Variants in FAM186B observed in about 807,000 individuals in gnomAD.
FAM186B encodes family with sequence similarity 186 member B.
Under a neutral mutation model 83.4 loss-of-function variants are expected in FAM186B, and 68 were observed. The ratio of observed to expected loss-of-function variants is 0.81; its 90% CI spans 0.67 to 1.00. The LOEUF (loss-of-function observed/expected upper bound fraction) is 1.00. Ranked by LOEUF, FAM186B falls within the 50% of genes least tolerant of loss-of-function variation. FAM186B has a pLI of 0.00. For synonymous variants in FAM186B, 389 were observed against 422.0 expected (o/e 0.92, Z 0.96); for missense variants, 983 against 1,099.2 (o/e 0.89, Z 1.49).
At chr12:49,584,239 C>G (rs1939393703), downstream of FAM186B, 2 of 454,840 alleles carry the variant, frequency 4.4e-6, no homozygotes, top group Non-Finnish European at 4.0e-6. Flanking sequence ...GGTTCTAAAA[C>G]TGAGTTGAGG....
In FAM186B at chr12:49,601,138, G is replaced by C; in HGVS notation, c.506-4C>G. 1.3e-6 allele frequency: 2 copies of C among 1,538,930 alleles called. No homozygotes were observed. The highest frequency in any genetic ancestry group is 1.7e-6 in the Non-Finnish European group (2 of 1,143,004). ...TGCCAGAAGGTGCGTTTGGACACTG[G>C]GACAGGTAGAGAGAAAAAAGTCAAC... On this transcript the variant is annotated splice_polypyrimidine_tract_variant and splice_region_variant and intron_variant, in intron 3 of 6. Transcript: ENST00000257894.
rs1044341888 is a variant in FAM186B, at chr12:49,599,455, C to T, written c.2171+14G>A. On this transcript the variant is annotated intron_variant, in intron 4 of 6. Transcript: ENST00000257894. ...CAGCAGGTGGGTGCCAGGTGGGTTC[C>T]AGGGAGGACCTACCGGAGGCTCTGG... 1 of 1,518,718 alleles carries T rather than the reference C, an allele frequency of 6.6e-7. No individual in the cohort carries two copies. The highest frequency in any genetic ancestry group is 8.8e-7 in the Non-Finnish European group (1 of 1,136,120). The allele number at this position is 1,518,718 out of a possible 1,614,324, so 94.1% of individuals were successfully genotyped here.
At chr12:49,585,588 C>A (rs761545211), downstream of FAM186B, among the ~76,000 whole-genome samples, 4 of 152,244 alleles carry the variant, frequency 2.6e-5, no homozygotes, top group Non-Finnish European at 5.9e-5. Flanking sequence ...CCCTCCCTCA[C>A]ATGCCGAGAG....
chr12:49,586,544 A>G (rs547848329), downstream of FAM186B, among the ~76,000 whole-genome samples: 4 of 152,264 alleles, frequency 2.6e-5, no homozygotes, highest in Admixed American at 2.0e-4. Flanking sequence ...GGATGCGGAG[A>G]GGAGAGACCC....
At chr12:49,609,622 T>A (rs1312952467), upstream of FAM186B, among the ~76,000 whole-genome samples, 3 of 151,348 alleles carry the variant, frequency 2.0e-5, no homozygotes, top group Non-Finnish European at 3.0e-5. Context: ...GCCCTCTGCA[T>A]TCCACACTCA....
At chr12:49,586,999 G>T (rs1391959033), downstream of FAM186B, among the ~76,000 whole-genome samples, 2 of 152,172 alleles carry the variant, frequency 1.3e-5, no homozygotes, top group East Asian at 3.9e-4. Context: ...AGGGTCACAG[G>T]AGGCAGATGG....
intron 5 of FAM186B, among the ~76,000 whole-genome samples, chr12:49,589,631 C>A (rs1939534012): frequency 1.3e-5 from 2 of 150,396 alleles, no homozygotes; most frequent in African/African-American, 2.5e-5. Flanking sequence ...TAGAAACGGG[C>A]AAAACATCAG....
the FAM186B span, among the ~76,000 whole-genome samples, chr12:49,616,300 G>A: frequency 6.6e-6 from 1 of 152,188 alleles, no homozygotes; most frequent in Non-Finnish European, 1.5e-5. Context: ...AAAGTGCTGG[G>A]ATTACAGGCG....
intron 5 of FAM186B, among the ~76,000 whole-genome samples, chr12:49,594,919 C>T (rs1448971051): frequency 1.3e-5 from 2 of 150,990 alleles, no homozygotes; most frequent in African/African-American, 4.9e-5. Flanking sequence ...ATAATATCCA[C>T]GAAATACAGA....
Position 49,598,736 on chromosome 12 carries a change from GTCA to G in FAM186B, c.2364+16_2364+18del, listed in dbSNP as rs753524915. On this transcript the variant is annotated intron_variant, in intron 5 of 6. Transcript: ENST00000257894. Reference sequence around the variant, plus strand: ...CCCCAGGAGGCGGAGTGGCGGGGGGGTCAGGGCGGGAGGCCCACCTTGGGGAAC... The same window carrying G: ...CCCCAGGAGGCGGAGTGGCGGGGGGGGGGCGGGAGGCCCACCTTGGGGAAC... 25 of 1,556,778 alleles carry G rather than the reference GTCA, an allele frequency of 1.6e-5. No homozygotes were observed. Among genetic ancestry groups the G allele is most frequent in the Admixed American group, 3.7e-5 (2 of 54,548 alleles).
Position 49,603,206 on chromosome 12 carries a change from C to T in FAM186B, c.484G>A (p.Gly162Arg). ...LTALCSTLIE[G>R]QKKRSQVSKR... is the part of the protein sequence containing the mutation. ...CTACCTTGTGACCTTTTCTTTTGTC[C>T]TTCAATGAGAGTGGAGCAAAGGGCA... Residue 162 changes from glycine (G) to arginine (R), a missense_variant, in exon 3 of 7, where the codon GGA (glycine) becomes AGA (arginine). Gly to Arg is a moderately radical substitution (Grantham distance 125). Coordinates refer to ENST00000257894, the MANE Select transcript of FAM186B (RefSeq NM_032130.3). 6.2e-7 allele frequency: 1 copy of T among 1,614,208 alleles called. No individual in the cohort carries two copies. Among genetic ancestry groups the T allele is most frequent in the South Asian group, 1.1e-5 (1 of 91,082 alleles).
the FAM186B span, among the ~76,000 whole-genome samples, chr12:49,616,324 C>T: frequency 6.6e-6 from 1 of 152,162 alleles, no homozygotes; most frequent in Non-Finnish European, 1.5e-5. Context: ...GCCACCGCAC[C>T]CAGCCAGCAG....
At chr12:49,588,974 C>T (rs756566805) in intron 5 of FAM186B, among the ~76,000 whole-genome samples, 5 of 152,200 alleles carry the variant, frequency 3.3e-5, no homozygotes, top group Non-Finnish European at 5.9e-5. Flanking sequence ...GCCTGGACTG[C>T]ACTGGGTATC....
chr12:49,610,357 A>G (rs1176161833), upstream of FAM186B, among the ~76,000 whole-genome samples: 2 of 152,234 alleles, frequency 1.3e-5, no homozygotes, highest in African/African-American at 2.4e-5. Flanking sequence ...TGACAGATAA[A>G]GAATTCAAAG....
At chr12:49,618,434 C>T in the FAM186B span, among the ~76,000 whole-genome samples, 1 of 151,484 alleles carries the variant, frequency 6.6e-6, no homozygotes, top group African/African-American at 2.4e-5. Context: ...TTAGGTGACC[C>T]ATCCTTAAGT....
At chr12:49,587,888 T>TC in intron 6 of FAM186B, 136 bp from the exon 7 acceptor site, 1 of 942,222 alleles carries the variant, frequency 1.1e-6, no homozygotes, top group Non-Finnish European at 1.6e-6. Context: ...GCCCTCCTCA[T>TC]CTCCCCTCCA....
intron 5 of FAM186B, 23 bp downstream of exon 5, chr12:49,598,732 G>A (rs754115685): frequency 5.8e-6 from 9 of 1,543,798 alleles, no homozygotes; most frequent in Non-Finnish European, 7.8e-6. Flanking sequence ...GGAGTGGCGG[G>A]GGGGTCAGGG....
chr12:49,607,269 G>T (rs1377609999), upstream of FAM186B, among the ~76,000 whole-genome samples: 1 of 152,016 alleles, frequency 6.6e-6, no homozygotes, highest in Non-Finnish European at 1.5e-5. Context: ...GTTTTGAAAA[G>T]ATTAATGCAA....
chr12:49,600,136 G>A lies in FAM186B; in HGVS notation c.1504C>T (p.Gln502Ter), dbSNP rs1377691557. 6.2e-7 allele frequency: 1 copy of A among 1,613,616 alleles called. No individual in the cohort carries two copies. The highest frequency in any genetic ancestry group is 2.2e-5 in the East Asian group (1 of 44,886). The change falls in exon 4 of 7, where the codon CAG becomes TAG. Residue 502 changes from glutamine to a stop codon, truncating the protein, a stop_gained. Transcript: ENST00000257894. LOFTEE classifies it high-confidence loss of function. This position sits in a 1 kb window ranked among gnomAD's most constrained non-coding sequence, Gnocchi z 4.3. ...AGCAGGGCCCACTTCTTCTGCCGCT[G>A]CTGCCACATCTCCTCCTCCTCCAGC... ...LWLEEEEMWQ[Q>*]RQKKWALLEQ...
Sources: allele counts gnomAD v4.1 joint callset (sites outside exome capture counted in the v4.1 genomes callset), GRCh38; gene constraint gnomAD v4.1.1; non-coding constraint Gnocchi (gnomAD v3.1); transcripts MANE v1.5; gene names NCBI Gene and HGNC (gene_info 2026-07-23, HGNC 2026-07-21).